The following PRKCH variants were observed in gnomAD, a reference collection of about 807,000 sequenced individuals.
PRKCH encodes protein kinase C eta, also known as protein kinase C eta type.
A neutral mutation model predicts 82.5 loss-of-function variants in PRKCH; 28 were observed. The observed-to-expected ratio is 0.34, with a 90% CI of 0.25 to 0.47. PRKCH has a LOEUF of 0.47. Among genes scored for constraint, PRKCH ranks in the 20% least tolerant of loss-of-function variants. The pLI, the probability that PRKCH is intolerant of heterozygous loss-of-function variation, is 1.00. For missense variants in PRKCH, 705 were observed against 881.8 expected, an observed-to-expected ratio of 0.80 and a Z score of 2.54; for synonymous variants, 322 against 327.4, an observed-to-expected ratio of 0.98 and a Z score of 0.18.
rs35762429 is a variant in PRKCH at position 61,367,360 on chromosome 14, ATGTGTG to A, written c.364-23845_364-23840del. Among the ~76,000 whole-genome samples, 7 of 144,956 alleles carry A rather than the reference ATGTGTG, an allele frequency of 4.8e-5. No homozygotes were observed. The East Asian group carries it at 9.9e-4, about 20-fold the overall frequency. ...TCAGGTATTGCGTGTGTGTGTGTGT[ATGTGTG>A]TGTGTGTGTGTGTGTGTGTCAGAGG... On this transcript the variant is annotated intron_variant, in intron 1 of 13. Coordinates refer to ENST00000332981, the MANE Select transcript of PRKCH (RefSeq NM_006255.5).
intron 9 of PRKCH, among the ~76,000 whole-genome samples, chr14:61,467,613 C>T (rs936767394): frequency 2.0e-5 from 3 of 152,200 alleles, no homozygotes; most frequent in Non-Finnish European, 2.9e-5. Context: ...GAAGTATAGC[C>T]GAAAGGCTGG....
chr14:61,217,556 C>T (rs1347769325), intron 1 of PRKCH, among the ~76,000 whole-genome samples: 3 of 152,226 alleles, frequency 2.0e-5, no homozygotes, highest in Admixed American at 6.5e-5. Context: ...CCGGCCTCCT[C>T]TATTTCCTGT....
At chr14:61,285,731 G>C (rs1442095471) in intron 1 of PRKCH, among the ~76,000 whole-genome samples, 1 of 152,198 alleles carries the variant, frequency 6.6e-6, no homozygotes, top group African/African-American at 2.4e-5. Context: ...TGCAATGGAG[G>C]CTGCCTGAGT....
intron 10 of PRKCH, among the ~76,000 whole-genome samples, chr14:61,506,729 G>T (rs1012212806): frequency 6.6e-6 from 1 of 152,174 alleles, no homozygotes; most frequent in Non-Finnish European, 1.5e-5. Flanking sequence ...TCTTGAACAG[G>T]CATGTAATGA....
chr14:61,378,199 G>A (rs1343893495), intron 1 of PRKCH, among the ~76,000 whole-genome samples: 1 of 150,684 alleles, frequency 6.6e-6, no homozygotes, highest in Middle Eastern at 3.2e-3. Flanking sequence ...TCCTCTCCTA[G>A]GGCTTTTTTT....
At chr14:61,239,524 G>C (rs947180428) in intron 1 of PRKCH, among the ~76,000 whole-genome samples, 2 of 152,186 alleles carry the variant, frequency 1.3e-5, no homozygotes, top group Non-Finnish European at 2.9e-5. Flanking sequence ...CAGGGGGTAC[G>C]TGTCTTCCGG....
chr14:61,225,759 G>A (rs2044692109), intron 1 of PRKCH, among the ~76,000 whole-genome samples: 1 of 148,916 alleles, frequency 6.7e-6, no homozygotes, highest in Non-Finnish European at 1.5e-5. Context: ...TTTTTTAACA[G>A]ACAGGGTCTT....
At chr14:61,199,152 A>G (rs563232774) in intron 1 of PRKCH, among the ~76,000 whole-genome samples, 35 of 152,362 alleles carry the variant, frequency 2.3e-4, no homozygotes, top group Admixed American at 9.8e-4. Context: ...AAAAGAGACT[A>G]TGATTTAAAA....
In PRKCH at chr14:61,349,331, A is replaced by C. The variant is rs562836148; in HGVS notation, c.363+26867A>C. Among the ~76,000 whole-genome samples the C allele has an allele frequency of 1.7e-3, 259 of 152,300 alleles. 1 individual carries two copies. Among genetic ancestry groups the C allele is most frequent in the African/African-American group, 5.8e-3 (240 of 41,574 alleles). ...TATGTACCAATCCTTAACATTTGTT[A>C]TTCCAGTTTATCTTCCATCAGTCCT... On this transcript the variant is annotated intron_variant, in intron 1 of 13. Transcript: ENST00000332981.
At chr14:61,402,204 G>A (rs1206612968) in intron 2 of PRKCH, among the ~76,000 whole-genome samples, 2 of 152,094 alleles carry the variant, frequency 1.3e-5, no homozygotes, top group African/African-American at 2.4e-5. Context: ...TTTCACAATG[G>A]CCAGTACGAG....
chr14:61,395,410 A>T (rs2046764144), intron 2 of PRKCH, among the ~76,000 whole-genome samples: 1 of 151,676 alleles, frequency 6.6e-6, no homozygotes. Context: ...CCATAATATG[A>T]CAGGTTGGCT....
intron 12 of PRKCH, among the ~76,000 whole-genome samples, chr14:61,534,032 GA>G (rs2140013203): frequency 6.6e-6 from 1 of 152,278 alleles, no homozygotes; most frequent in South Asian, 2.1e-4. Flanking sequence ...TATAGATGAG[GA>G]AACCATGAGG....
chr14:61,472,830 A>G (rs2140313758), intron 9 of PRKCH, among the ~76,000 whole-genome samples: 1 of 152,368 alleles, frequency 6.6e-6, no homozygotes, highest in African/African-American at 2.4e-5. Flanking sequence ...TCTGTAATAT[A>G]ATGAATGGTA....
intron 1 of PRKCH, chr14:61,306,625 G>T (rs1566813839): frequency 6.6e-6 from 1 of 152,222 alleles, no homozygotes; most frequent in Non-Finnish European, 1.5e-5. Flanking sequence ...CTAGTGGGAG[G>T]ATGTGTCTGG....
chr14:61,443,827 A>G (rs1481683212), intron 3 of PRKCH, among the ~76,000 whole-genome samples: 1 of 152,234 alleles, frequency 6.6e-6, no homozygotes, highest in African/African-American at 2.4e-5. Flanking sequence ...CTTACTAGAC[A>G]TACAACTGAA....
intron 1 of PRKCH, among the ~76,000 whole-genome samples, chr14:61,217,005 G>A (rs368581571): frequency 6.4e-4 from 98 of 152,202 alleles, no homozygotes; most frequent in African/African-American, 2.2e-3. Flanking sequence ...TAGCTAGATC[G>A]GCATATACAT....
At chr14:61,484,291 CTTTTTTTTTTTT>C (rs71449556) in intron 9 of PRKCH, among the ~76,000 whole-genome samples, 2 of 86,382 alleles carry the variant, frequency 2.3e-5, no homozygotes, top group African/African-American at 9.0e-5. Context: ...GCTTGTGTCA[CTTTTTTTTTTTT>C]TTTTTTTTTT....
At chr14:61,339,596 TACAGGCGTGAG>T (rs992514794) in intron 1 of PRKCH, among the ~76,000 whole-genome samples, 4 of 146,092 alleles carry the variant, frequency 2.7e-5, no homozygotes, top group Admixed American at 2.7e-4. Flanking sequence ...GTGCTGGGAT[TACAGGCGTGAG>T]CCACCAAGCC....
chr14:61,332,974 A>G (rs913568948), intron 1 of PRKCH, among the ~76,000 whole-genome samples: 2 of 152,302 alleles, frequency 1.3e-5, no homozygotes, highest in Non-Finnish European at 2.9e-5. Flanking sequence ...GACAATGGAA[A>G]TTCTGCTCCC....
Sources: allele counts gnomAD v4.1 joint callset (sites outside exome capture counted in the v4.1 genomes callset), GRCh38; gene constraint gnomAD v4.1.1; transcripts MANE v1.5; gene names NCBI Gene and HGNC (gene_info 2026-07-23, HGNC 2026-07-21).